TRIM9: variants seen among roughly 807,000 people sequenced by gnomAD.
The protein encoded by TRIM9 is tripartite motif containing 9.
In TRIM9, 26 loss-of-function variants were observed where a neutral mutation model predicts 78.3. That is an observed-to-expected ratio of 0.33 (90% CI 0.24 to 0.46). The LOEUF (loss-of-function observed/expected upper bound fraction) is 0.46, where lower values mean the gene tolerates loss of function less well. Among genes scored for constraint, TRIM9 ranks in the 20% least tolerant of loss-of-function variants. TRIM9 has a pLI of 1.00. For missense variants in TRIM9, 787 were observed against 1,036.4 expected (o/e 0.76, Z 3.30); for synonymous variants, 398 against 416.5 (o/e 0.96, Z 0.54).
chr14:51,001,038 G>A (rs1248866255), intron 5 of TRIM9, among the ~76,000 whole-genome samples, 198 bp from the exon 6 acceptor site: 1 of 152,028 alleles, frequency 6.6e-6, no homozygotes, highest in South Asian at 2.1e-4. Flanking sequence ...TTTTCTAAGC[G>A]CACAGTGGCC....
At chr14:50,978,739 G>T in intron 12 of TRIM9, 1 of 262,804 alleles carries the variant, frequency 3.8e-6, no homozygotes, top group Non-Finnish European at 5.8e-6. Flanking sequence ...TAAGTTCTAT[G>T]AAGGCAAGAT....
intron 1 of TRIM9, among the ~76,000 whole-genome samples, chr14:51,062,614 G>A (rs905363072): frequency 6.6e-6 from 1 of 152,186 alleles, no homozygotes; most frequent in Non-Finnish European, 1.5e-5. Flanking sequence ...GGATATCAAG[G>A]ATAGTCAGGA....
intron 1 of TRIM9, among the ~76,000 whole-genome samples, chr14:51,082,178 T>C (rs1366959111): frequency 6.6e-6 from 1 of 152,132 alleles, no homozygotes; most frequent in Non-Finnish European, 1.5e-5. Flanking sequence ...CACTTCTAAC[T>C]CAGGAAATCC....
At chr14:50,978,025 A>G (rs1244061141) in intron 12 of TRIM9, among the ~76,000 whole-genome samples, 1 of 151,822 alleles carries the variant, frequency 6.6e-6, no homozygotes, top group Admixed American at 6.6e-5. Flanking sequence ...AATGTGAAAA[A>G]CCTTGAATGG....
chr14:51,050,964 C>G (rs2060369657), intron 1 of TRIM9, among the ~76,000 whole-genome samples: 1 of 152,194 alleles, frequency 6.6e-6, no homozygotes. Flanking sequence ...TCCAACAGAA[C>G]CACCAAGCCA....
chr14:51,011,766 G>A (rs1212900766), intron 3 of TRIM9, among the ~76,000 whole-genome samples: 3 of 152,186 alleles, frequency 2.0e-5, no homozygotes, highest in Admixed American at 6.5e-5. Flanking sequence ...TCATTCTAGT[G>A]TAAATTTTTA....
In TRIM9 at chr14:51,010,488, G is replaced by C; in HGVS notation, c.1048C>G (p.Arg350Gly). 6.8e-6 allele frequency: 11 copies of C among 1,611,752 alleles called. No individual in the cohort carries two copies. The highest frequency in any genetic ancestry group is 9.3e-6 in the Non-Finnish European group (11 of 1,178,842). Residue 350 changes from arginine to glycine, a missense_variant, in exon 4 of 13, where the codon CGA (arginine) becomes GGA (glycine). Transcript: ENST00000684578. ...ACTGTGCAGTGAGAGATCTGATCTC[G>C]AACCACCTAGGATTAAAAAAAAAAC... is the stretch of plus-strand genomic sequence containing the variant. The part of the protein sequence containing the change: ...KEHEHKLKVV[R>G]DQISHCTVKL...
intron 1 of TRIM9, among the ~76,000 whole-genome samples, chr14:51,039,838 C>A (rs928885349): frequency 7.2e-5 from 11 of 152,032 alleles, no homozygotes; most frequent in Non-Finnish European, 7.4e-5. Flanking sequence ...GCTCTGCCTC[C>A]CGGGTTCACA....
rs374121481 is a variant in TRIM9 at position 50,981,948 on chromosome 14, G to A, written c.2014C>T (p.Arg672Cys). Residue 672 changes from arginine to cysteine, a missense_variant, in exon 11 of 13, where the codon CGC becomes TGC. Physicochemically the swap from Arg to Cys is radical, Grantham distance 180. Coordinates refer to ENST00000684578, the MANE Select transcript of TRIM9 (RefSeq NM_001387360.1). Reference sequence around the variant, plus strand: ...GCAGGATCAGGGTGGTTGTCATAGCGATCTACCGTGAGCTCCCAGTAGTGG... The same window carrying A: ...GCAGGATCAGGGTGGTTGTCATAGCAATCTACCGTGAGCTCCCAGTAGTGG... ...GIHYWELTVD[R>C]YDNHPDPAFG... 3.1e-6 allele frequency: 5 copies of A among 1,614,058 alleles called. No individual in the cohort carries two copies. The African/African-American group carries it at 5.3e-5, about 17-fold the overall frequency.
At chr14:51,057,476 C>T (rs956023695) in intron 1 of TRIM9, among the ~76,000 whole-genome samples, 1 of 152,104 alleles carries the variant, frequency 6.6e-6, no homozygotes, top group African/African-American at 2.4e-5. Context: ...ATTATTAAAA[C>T]TTGAATTTCC....
chr14:51,074,944 C>G (rs1243060840), intron 1 of TRIM9, among the ~76,000 whole-genome samples: 1 of 152,174 alleles, frequency 6.6e-6, no homozygotes, highest in Non-Finnish European at 1.5e-5. Flanking sequence ...AATTGAGAAG[C>G]TTGAAAGAGG....
chr14:51,050,759 C>T (rs2060350747), intron 1 of TRIM9, among the ~76,000 whole-genome samples: 1 of 152,130 alleles, frequency 6.6e-6, no homozygotes, highest in Non-Finnish European at 1.5e-5. Context: ...TCCCCCTCTC[C>T]ACCCCTCTTC....
chr14:51,017,556 G>A (rs1219697942), intron 3 of TRIM9, among the ~76,000 whole-genome samples: 1 of 152,260 alleles, frequency 6.6e-6, no homozygotes, highest in Non-Finnish European at 1.5e-5. Context: ...CATTGGGAGA[G>A]AGAAGCATAT....
chr14:51,047,059 T>C (rs910823977), intron 1 of TRIM9, among the ~76,000 whole-genome samples: 3 of 152,134 alleles, frequency 2.0e-5, no homozygotes, highest in African/African-American at 7.2e-5. Context: ...ACATGGAGTG[T>C]CATTTATCTG....
At chr14:50,983,358 T>TA in intron 9 of TRIM9, 22 bp downstream of exon 9, 2 of 1,521,778 alleles carry the variant, frequency 1.3e-6, no homozygotes, top group East Asian at 4.9e-5. Context: ...AAGTAAAAGA[T>TA]AATTACAATA....
chr14:51,031,457 A>T (rs898268737), intron 1 of TRIM9, among the ~76,000 whole-genome samples: 3 of 152,186 alleles, frequency 2.0e-5, no homozygotes, highest in Non-Finnish European at 4.4e-5. Flanking sequence ...GTCTAACTTC[A>T]ATAAGCACAA....
intron 1 of TRIM9, among the ~76,000 whole-genome samples, chr14:51,054,206 T>C: frequency 6.6e-6 from 1 of 151,406 alleles, no homozygotes; most frequent in East Asian, 2.0e-4. Flanking sequence ...GGACTATAGG[T>C]GTATTGCACC....
In TRIM9 at chr14:50,977,291, T is replaced by C; in HGVS notation, c.2388A>G (p.Ter796=). 1 of 1,532,414 alleles carries C rather than the reference T, an allele frequency of 6.5e-7. No homozygotes were observed. Among genetic ancestry groups the C allele is most frequent in the Non-Finnish European group, 8.8e-7 (1 of 1,137,262 alleles). The allele number at this position is 1,532,414 out of a possible 1,614,324, so 94.9% of individuals were successfully genotyped here. Residue 796 remains the stop codon, a stop_retained_variant, in exon 13 of 13, where the codon TAA becomes TAG. Coordinates refer to ENST00000684578, the MANE Select transcript of TRIM9 (RefSeq NM_001387360.1). ...DFYSSRASIA[*] ...CAGCTGGCGCCTCCACGGCACATCC[T>C]TAGGCTATTGATGCTCTGCTGGAGT... is the stretch of plus-strand genomic sequence containing the variant.
At chr14:51,089,663 T>C (rs2064125094) in intron 1 of TRIM9, among the ~76,000 whole-genome samples, 1 of 152,254 alleles carries the variant, frequency 6.6e-6, no homozygotes, top group African/African-American at 2.4e-5. Context: ...GTTTAATATA[T>C]AAATCTTTGT....
Sources: gnomAD v4.1 joint callset for allele counts (sites outside exome capture counted in the v4.1 genomes callset) on GRCh38, gnomAD v4.1.1 for gene constraint, MANE v1.5 for transcripts, NCBI Gene and HGNC (gene_info 2026-07-23, HGNC 2026-07-21) for gene names.